MGAM: variants seen among roughly 807,000 people sequenced by gnomAD.
The protein encoded by MGAM is alpha-1,4-glucosidase.
Under a neutral mutation model 358.8 loss-of-function variants are expected in MGAM, and 253 were observed. The ratio of observed to expected loss-of-function variants is 0.71; its 90% CI spans 0.64 to 0.78. The LOEUF (loss-of-function observed/expected upper bound fraction) is 0.78. MGAM is among the 30% of genes least tolerant of loss of function. The probability of loss-of-function intolerance (pLI) is 0.00; values close to 1 mark genes in which losing one functional copy is unlikely to be tolerated. For synonymous variants in MGAM, 1,105 were observed against 1,227.1 expected, an observed-to-expected ratio of 0.90 and a Z score of 2.08; for missense variants, 3,080 against 3,432.6, an observed-to-expected ratio of 0.90 and a Z score of 2.57.
At chr7:142,085,648 T>C (rs1421704915) in intron 54 of MGAM, among the ~76,000 whole-genome samples, 185 bp from the exon 55 acceptor site, 4 of 146,016 alleles carry the variant, frequency 2.7e-5, no homozygotes, top group African/African-American at 9.7e-5. Flanking sequence ...TTCTATCTTA[T>C]CACTGAACGT....
chr7:142,003,618 A>G (rs1554451411), intron 1 of MGAM, among the ~76,000 whole-genome samples: 1 of 151,998 alleles, frequency 6.6e-6, no homozygotes, highest in Non-Finnish European at 1.5e-5. Context: ...TCTAGGAAAC[A>G]CTCTCTGGAC....
chr7:141,987,027 A>G (rs1281185221), intron 2 of MGAM, among the ~76,000 whole-genome samples: 2 of 152,160 alleles, frequency 1.3e-5, no homozygotes, highest in African/African-American at 4.8e-5. Flanking sequence ...TTTGGTGGAG[A>G]TATTTATTTA....
In MGAM at chr7:142,070,020, C is replaced by T. The variant is rs1172030258; in HGVS notation, c.5062-974C>T. On this transcript the variant is annotated intron_variant, in intron 43 of 70. Transcript: ENST00000475668. Reference sequence around the variant, plus strand: ...CATCCTAGCTAACACGGTGAAACCCCATCTCTATGAAAAATAAAAACAATT... The same window carrying T: ...CATCCTAGCTAACACGGTGAAACCCTATCTCTATGAAAAATAAAAACAATT... Among the ~76,000 whole-genome samples, 2 of 144,376 alleles carry T rather than the reference C, an allele frequency of 1.4e-5. 1 individual carries two copies. Among genetic ancestry groups the T allele is most frequent in the Non-Finnish European group, 3.1e-5 (2 of 63,804 alleles). 94.7% of individuals were successfully genotyped at this position (144,376 alleles called of 152,430 possible).
At chr7:142,049,749 C>A (rs1423610365) in intron 22 of MGAM, among the ~76,000 whole-genome samples, 3 of 152,104 alleles carry the variant, frequency 2.0e-5, no homozygotes, top group Non-Finnish European at 4.4e-5. Flanking sequence ...TTACAGTGAG[C>A]TACCACCTCA....
Position 142,097,638 on chromosome 7 carries a change from G to A in MGAM, c.7738G>A (p.Asp2580Asn). Residue 2580 changes from aspartate (D) to asparagine (N), a missense_variant, in exon 66 of 71, where the codon GAT becomes AAT. Physicochemically the swap from Asp to Asn is conservative, Grantham distance 23. Coordinates refer to ENST00000475668, the MANE Select transcript of MGAM (RefSeq NM_001365693.1). Reference protein sequence around the residue: ...TAYFPRARWYDYYTGVDINAR... With the variant: ...TAYFPRARWYNYYTGVDINAR... ...ATATTTCCCTAGAGCCCGCTGGTATGATTACTACACGGTAAGTTTTTCTGA... is the reference window on the plus strand; with the variant it reads ...ATATTTCCCTAGAGCCCGCTGGTATAATTACTACACGGTAAGTTTTTCTGA... 6.2e-7 allele frequency: 1 copy of A among 1,609,246 alleles called. No homozygotes were observed. Among genetic ancestry groups the A allele is most frequent in the South Asian group, 1.1e-5 (1 of 91,002 alleles).
chr7:142,053,115 T>C (rs956391054), intron 26 of MGAM, 131 bp downstream of exon 26: 36 of 1,072,900 alleles, frequency 3.4e-5, no homozygotes, highest in African/African-American at 2.4e-4. Context: ...CCAGAGAGCA[T>C]TGAGAAATCA....
rs752102018 is a variant in MGAM at position 142,056,903 on chromosome 7, G to C, written c.3654G>C (p.Leu1218Phe). The C allele has an allele frequency of 2.5e-6, 4 of 1,613,708 alleles. No individual in the cohort carries two copies. Among genetic ancestry groups the C allele is most frequent in the Non-Finnish European group, 3.4e-6 (4 of 1,179,828 alleles). The change falls in exon 30 of 71, where the codon TTG becomes TTC. Residue 1218 changes from leucine (L) to phenylalanine (F), a missense_variant. By Grantham distance (22) the Leu-to-Phe change is conservative. Coordinates refer to ENST00000475668, the MANE Select transcript of MGAM (RefSeq NM_001365693.1). ...GAGTTCTGGACTTTTATGTGTTCTT[G>C]GGGCCGACTCCAGAGCTTGTCACCC... ...TGGVLDFYVF[L>F]GPTPELVTQQ...
chr7:142,082,005 C>T, intron 50 of MGAM, 37 bp from the exon 51 acceptor site: 1 of 1,539,610 alleles, frequency 6.5e-7, no homozygotes, highest in Non-Finnish European at 8.9e-7. Flanking sequence ...AGAGAAAAGC[C>T]CATTTTCTGT....
intron 22 of MGAM, among the ~76,000 whole-genome samples, chr7:142,049,048 A>G (rs985320322): frequency 5.9e-5 from 9 of 152,290 alleles, no homozygotes; most frequent in Non-Finnish European, 1.2e-4. Context: ...AACAACAGTT[A>G]TACTGTCTGC....
At chr7:142,100,693 C>G (rs1816365484) in intron 67 of MGAM, 109 bp from the exon 68 acceptor site, 1 of 913,548 alleles carries the variant, frequency 1.1e-6, no homozygotes, top group Non-Finnish European at 1.8e-6. Context: ...AGTATGCAGT[C>G]TTTATCCCCC....
chr7:142,078,179 G>C, intron 47 of MGAM, 139 bp from the exon 48 acceptor site: 1 of 696,886 alleles, frequency 1.4e-6, no homozygotes, highest in Non-Finnish European at 2.2e-6. Context: ...ATAAGCTAAA[G>C]TGATATGTTG....
At chr7:142,089,254 G>A (rs1236360565) in intron 57 of MGAM, among the ~76,000 whole-genome samples, 1 of 146,164 alleles carries the variant, frequency 6.8e-6, no homozygotes, top group Non-Finnish European at 1.5e-5. Context: ...AGGCAATTTG[G>A]AAATCTGAGG....
intron 44 of MGAM, among the ~76,000 whole-genome samples, chr7:142,072,108 T>C (rs1813391285): frequency 6.8e-6 from 1 of 146,228 alleles, no homozygotes; most frequent in South Asian, 2.2e-4. Context: ...TGATACCAAA[T>C]TGATTTTTCC....
Position 142,076,457 on chromosome 7 carries a change from T to G in MGAM, c.5326-202T>G, listed in dbSNP as rs368089339. The G allele has an allele frequency of 4.6e-5, 39 of 852,444 alleles. 5 individuals carry two copies. Among genetic ancestry groups the G allele is most frequent in the Middle Eastern group, 4.4e-4 (2 of 4,558 alleles). The allele number at this position is 852,444 out of a possible 1,614,324, so 52.8% of individuals were successfully genotyped here. On this transcript the variant is annotated intron_variant, in intron 46 of 70. Coordinates refer to ENST00000475668, the MANE Select transcript of MGAM (RefSeq NM_001365693.1). ...AGTGTTTCTAAATATAGTTTTTAATTATCTGTGTGTTTTTATGATTGTATC... is the reference window on the plus strand; with the variant it reads ...AGTGTTTCTAAATATAGTTTTTAATGATCTGTGTGTTTTTATGATTGTATC...
intron 21 of MGAM, 49 bp from the exon 22 acceptor site, chr7:142,047,736 C>A (rs1343377949): frequency 6.5e-7 from 1 of 1,542,682 alleles, no homozygotes; most frequent in Non-Finnish European, 9.0e-7. Context: ...GCTCGGCTGG[C>A]AAAATTCTCT....
chr7:142,101,760 T>C (rs1390880443), intron 68 of MGAM, among the ~76,000 whole-genome samples: 2 of 151,658 alleles, frequency 1.3e-5, no homozygotes, highest in African/African-American at 4.8e-5. Flanking sequence ...ACAAAAAAAT[T>C]AGCTGGGCAT....
In MGAM at chr7:142,054,809, G is replaced by A; in HGVS notation, c.3215G>A (p.Ser1072Asn). 6.2e-7 allele frequency: 1 copy of A among 1,613,952 alleles called. No homozygotes were observed. ...GTTCCAGTCCCTCTGAACATACCCA[G>A]CATGCCATCCAGCACCCCTGAGGGT... ...YEVPVPLNIP[S>N]MPSSTPEGQL... The change falls in exon 27 of 71, where the codon AGC (serine) becomes AAC (asparagine). Residue 1072 changes from serine to asparagine, a missense_variant. Around this residue, in one of 5 missense-constraint regions of MGAM, gnomAD observed 1,816 missense variants for 1,840.5 expected, o/e 0.99. Transcript: ENST00000475668.
Position 142,046,516 on chromosome 7 carries a change from A to G in MGAM, c.2499-1269A>G, listed in dbSNP as rs547033544. Reference sequence around the variant, plus strand: ...AGCTTCATGTGGGAATCAGAGGTTCACATTCTCTACCTTGGATCACTAGGC... The same window carrying G: ...AGCTTCATGTGGGAATCAGAGGTTCGCATTCTCTACCTTGGATCACTAGGC... On this transcript the variant is annotated intron_variant, in intron 21 of 70. Coordinates refer to ENST00000475668, the MANE Select transcript of MGAM (RefSeq NM_001365693.1). 3.3e-5 allele frequency among the ~76,000 whole-genome samples: 5 copies of G among 152,180 alleles called. No homozygotes were observed. The South Asian group carries it at 1.0e-3, about 32-fold the overall frequency.
chr7:142,071,508 C>G (rs1034951784), intron 44 of MGAM, among the ~76,000 whole-genome samples: 2 of 146,110 alleles, frequency 1.4e-5, no homozygotes, highest in African/African-American at 4.9e-5. Flanking sequence ...TTTTCAAACA[C>G]GCTAACAGCC....
Sources: allele counts gnomAD v4.1 joint callset (sites outside exome capture counted in the v4.1 genomes callset), GRCh38; gene constraint gnomAD v4.1.1; regional missense constraint gnomAD v4.1.1; transcripts MANE v1.5; gene names NCBI Gene and HGNC (gene_info 2026-07-23, HGNC 2026-07-21).